UBR4: variants seen among roughly 807,000 people sequenced by gnomAD.
UBR4 encodes the protein E3 ubiquitin-protein ligase UBR4.
In UBR4, 124 loss-of-function variants were observed where a neutral mutation model predicts 575.6. That is an observed-to-expected ratio of 0.22 (90% CI 0.19 to 0.25). The LOEUF (loss-of-function observed/expected upper bound fraction) is 0.25, where lower values mean the gene tolerates loss of function less well. Among genes scored for constraint, UBR4 ranks in the 10% least tolerant of loss-of-function variants. The pLI, the probability that UBR4 is intolerant of heterozygous loss-of-function variation, is 1.00. For missense variants in UBR4, 4,818 were observed against 6,478.8 expected, an observed-to-expected ratio of 0.74 and a Z score of 8.80; for synonymous variants, 2,455 against 2,473.7, an observed-to-expected ratio of 0.99 and a Z score of 0.22.
At chr1:19,196,776 T>C (rs1200957413) in intron 8 of UBR4, among the ~76,000 whole-genome samples, 1 of 152,216 alleles carries the variant, frequency 6.6e-6, no homozygotes, top group Non-Finnish European at 1.5e-5. Flanking sequence ...CTGTTTTATA[T>C]TATACTATTT....
intron 105 of UBR4, 73 bp from the exon 106 acceptor site, chr1:19,074,969 C>T (rs548872166): frequency 1.7e-4 from 264 of 1,516,442 alleles, no homozygotes; most frequent in Non-Finnish European, 2.2e-4. Context: ...TCACAGCTGC[C>T]GCATCTAGCA....
intron 25 of UBR4, 132 bp from the exon 26 acceptor site, chr1:19,171,015 C>T: frequency 1.6e-6 from 2 of 1,238,804 alleles, no homozygotes; most frequent in Non-Finnish European, 2.2e-6. Flanking sequence ...TAGTGCCTGC[C>T]CCTTCCTGGT....
rs543136507 is a variant in UBR4 at position 19,201,614 on chromosome 1, A to C, written c.274+104T>G. On this transcript the variant is annotated intron_variant, in intron 2 of 105. Transcript: ENST00000375254. The stretch of plus-strand genomic sequence containing the variant: ...TGGGTGAGCAGCTTAGGAGTGCTAA[A>C]ACCTAGACTTCATTAACAACTTTTT... The C allele has an allele frequency of 1.5e-4, 145 of 992,546 alleles. No individual in the cohort carries two copies. The African/African-American group carries it at 2.2e-3, about 15-fold the overall frequency. The allele number at this position is 992,546 out of a possible 1,614,324, so 61.5% of individuals were successfully genotyped here.
intron 102 of UBR4, chr1:19,081,783 TCTTCC>T (rs2076539951): frequency 2.9e-6 from 2 of 694,704 alleles, no homozygotes; most frequent in Non-Finnish European, 5.3e-6. Context: ...CTTCGCGGCA[TCTTCC>T]CTTCTTCCCT....
chr1:19,144,529 T>C (rs914538624), intron 54 of UBR4, among the ~76,000 whole-genome samples: 1 of 152,218 alleles, frequency 6.6e-6, no homozygotes, highest in Non-Finnish European at 1.5e-5. Flanking sequence ...ATTCACCGAG[T>C]TACCTAGCAC....
intron 42 of UBR4, 77 bp downstream of exon 42, chr1:19,156,194 G>A: frequency 1.3e-6 from 2 of 1,549,094 alleles, no homozygotes; most frequent in African/African-American, 2.8e-5. Context: ...ACTCCTGGGA[G>A]AAGCTAGCAC....
At position 19,086,738 on chromosome 1, in the gene UBR4, G is replaced by C; in HGVS notation, c.14628C>G (p.Gly4876=). The change falls in exon 100 of 106, where the codon GGC becomes GGG. Residue 4876 remains glycine, a synonymous_variant. Transcript: ENST00000375254. ...EMENKPRKQQ[G]YSTVSHFNIV... ...TGTTGAAGTGGGACACGGTGCTGTAGCCCTGCTGTTTCCGGGGCTTATTCT... is the reference window on the plus strand; with the variant it reads ...TGTTGAAGTGGGACACGGTGCTGTACCCCTGCTGTTTCCGGGGCTTATTCT... 1 of 1,614,232 alleles carries C rather than the reference G, an allele frequency of 6.2e-7. No individual in the cohort carries two copies. The highest frequency in any genetic ancestry group is 1.3e-5 in the African/African-American group (1 of 75,070).
chr1:19,168,321 A>G, intron 27 of UBR4, 137 bp from the exon 28 acceptor site: 1 of 756,922 alleles, frequency 1.3e-6, no homozygotes, highest in Non-Finnish European at 1.9e-6. Flanking sequence ...ATACACTGTT[A>G]TTCATGCTGG....
intron 94 of UBR4, 92 bp downstream of exon 94, chr1:19,094,814 T>C: frequency 6.6e-7 from 1 of 1,520,220 alleles, no homozygotes; most frequent in Non-Finnish European, 8.8e-7. Flanking sequence ...CATTCTCAGG[T>C]GGGCTAAGCC....
chr1:19,096,494 GC>G, intron 92 of UBR4, 28 bp downstream of exon 92: 2 of 1,605,818 alleles, frequency 1.2e-6, no homozygotes, highest in Non-Finnish European at 1.7e-6. Context: ...AGAAAGGCTG[GC>G]CCCCACAACT....
Position 19,210,143 on chromosome 1 carries a change from G to C in UBR4, c.106C>G (p.Leu36Val). The C allele has an allele frequency of 6.3e-7, 1 of 1,579,064 alleles. No individual in the cohort carries two copies. The highest frequency in any genetic ancestry group is 8.6e-7 in the Non-Finnish European group (1 of 1,166,012). ...TPGWEVAVRP[L>V]LSASYSAFEM... The stretch of plus-strand genomic sequence containing the variant: ...AAGGCGGAGTAGGACGCGGACAGCA[G>C]GGGCCGCACAGCCACCTCCCAGCCC... The change falls in exon 1 of 106, where the codon CTG (leucine) becomes GTG (valine). Residue 36 changes from leucine (L) to valine (V), a missense_variant. Physicochemically the swap from Leu to Val is conservative, Grantham distance 32. Transcript: ENST00000375254.
chr1:19,186,222 C>T (rs567294490), intron 14 of UBR4, among the ~76,000 whole-genome samples: 12 of 152,298 alleles, frequency 7.9e-5, no homozygotes, highest in African/African-American at 2.9e-4. Flanking sequence ...ACTGAGAAAG[C>T]TTAGAGCAGA....
chr1:19,100,138 G>A lies in UBR4; in HGVS notation c.13221+238C>T. ...ATACCCACCACCACTACAACCAACA[G>A]CCATTAACAATATGCTTACTTCCTG... On this transcript the variant is annotated intron_variant, in intron 89 of 105. Transcript: ENST00000375254. The surrounding 1 kb of genome is among the most constrained non-coding windows in gnomAD (Gnocchi z 4.2). 1 of 555,094 alleles carries A rather than the reference G, an allele frequency of 1.8e-6. No individual in the cohort carries two copies. Among genetic ancestry groups the A allele is most frequent in the Non-Finnish European group, 3.2e-6 (1 of 313,806 alleles). The allele number at this position is 555,094 out of a possible 1,614,324, so 34.4% of individuals were successfully genotyped here. A position where few individuals can be genotyped will look rare whatever the true frequency, so the allele number is the denominator to read the frequency against.
At position 19,100,451 on chromosome 1, in the gene UBR4, C is replaced by T; in HGVS notation, c.13146G>A (p.Leu4382=). The T allele has an allele frequency of 6.2e-7, 1 of 1,614,138 alleles. No individual in the cohort carries two copies. Residue 4382 remains leucine, a synonymous_variant, in exon 89 of 106, where the codon CTG becomes CTA. Transcript: ENST00000375254. The surrounding 1 kb of genome is among the most constrained non-coding windows in gnomAD (Gnocchi z 4.2). Reference sequence around the variant, plus strand: ...AAATCTTGTTCTTTATATCCCTCATCAGCGGCCCGATGCCTGGCTCATTGC... The same window carrying T: ...AAATCTTGTTCTTTATATCCCTCATTAGCGGCCCGATGCCTGGCTCATTGC... ...YSSNEPGIGP[L]MRDIKNKICQ... is the part of the protein sequence containing the mutation.
At chr1:19,187,087 T>TG (rs1441765295) in intron 13 of UBR4, 77 bp downstream of exon 13, 3 of 913,766 alleles carry the variant, frequency 3.3e-6, no homozygotes, top group African/African-American at 1.8e-5. Context: ...TATATATATA[T>TG]ATATATATAC....
intron 42 of UBR4, 46 bp from the exon 43 acceptor site, chr1:19,155,714 C>A: frequency 6.6e-7 from 1 of 1,520,306 alleles, no homozygotes; most frequent in African/African-American, 1.4e-5. Context: ...TATCTCAGTC[C>A]CATCCCCCAA....
intron 25 of UBR4, among the ~76,000 whole-genome samples, chr1:19,172,380 G>A (rs149022884): frequency 0.04 from 6,044 of 152,084 alleles, 341 homozygotes; most frequent in African/African-American, 0.13. Flanking sequence ...AGCCAGGCAC[G>A]GTGGTGCATG....
Position 19,104,154 on chromosome 1 carries a change from C to T in UBR4, c.12831G>A (p.Val4277=). Residue 4277 remains valine (V), a synonymous_variant, in exon 87 of 106, where the codon GTG becomes GTA. Transcript: ENST00000375254. The part of the protein sequence containing the change: ...LNGYLCLRKL[V]VQRTKLIDET... ...CATCGATCAGCTTGGTCCTCTGCAC[C>T]ACCAGCTTCCGCAAGCACAGGTATC... The T allele has an allele frequency of 6.2e-7, 1 of 1,614,228 alleles. No homozygotes were observed. The highest frequency in any genetic ancestry group is 8.5e-7 in the Non-Finnish European group (1 of 1,180,046).
At chr1:19,101,476 C>T in intron 88 of UBR4, 44 bp downstream of exon 88, 2 of 1,569,788 alleles carry the variant, frequency 1.3e-6, no homozygotes, top group Non-Finnish European at 8.7e-7. Context: ...GCAAAGTGGG[C>T]TGTGCTGACA....
Sources: gnomAD v4.1 joint callset for allele counts (sites outside exome capture counted in the v4.1 genomes callset) on GRCh38, gnomAD v4.1.1 for gene constraint, Gnocchi (gnomAD v3.1) non-coding constraint, MANE v1.5 for transcripts, NCBI Gene and HGNC (gene_info 2026-07-23, HGNC 2026-07-21) for gene names.